The following DSCAM variants were observed in gnomAD, a reference collection of about 807,000 sequenced individuals.
The protein encoded by DSCAM is DS cell adhesion molecule, also known as cell adhesion molecule DSCAM.
Under a neutral mutation model 217.7 loss-of-function variants are expected in DSCAM, and 47 were observed. That is an observed-to-expected ratio of 0.22 (90% CI 0.17 to 0.28). DSCAM has a LOEUF of 0.28. Among genes scored for constraint, DSCAM ranks in the 10% least tolerant of loss-of-function variants. DSCAM has a pLI of 1.00. For missense variants in DSCAM, 2,080 were observed against 2,618.3 expected, an observed-to-expected ratio of 0.79 and a Z score of 4.49; for synonymous variants, 1,056 against 1,015.3, an observed-to-expected ratio of 1.04 and a Z score of -0.76.
intron 11 of DSCAM, among the ~76,000 whole-genome samples, chr21:40,269,277 T>C (rs1223488949): frequency 1.3e-5 from 2 of 152,180 alleles, no homozygotes; most frequent in African/African-American, 2.4e-5. Context: ...CAGAGTCCCG[T>C]ATTAAGAATA....
At chr21:40,595,539 GGCCCAGCCAA>G (rs34874999) in intron 3 of DSCAM, among the ~76,000 whole-genome samples, 50,274 of 151,782 alleles carry the variant, frequency 0.33, 8,481 homozygotes, top group South Asian at 0.46. Flanking sequence ...AGTGCTTAAA[GGCCCAGCCAA>G]GCTCTGCCCT....
At chr21:40,070,115 G>C (rs1179371892) in intron 27 of DSCAM, among the ~76,000 whole-genome samples, 4 of 151,886 alleles carry the variant, frequency 2.6e-5, no homozygotes, top group Non-Finnish European at 5.9e-5. Flanking sequence ...TATTCAGTTT[G>C]CCATAACAAG....
intron 11 of DSCAM, among the ~76,000 whole-genome samples, chr21:40,259,661 CTTTTTTTTTTTT>C (rs542106779): frequency 0.073 from 4,355 of 59,626 alleles, 254 homozygotes; most frequent in East Asian, 0.34. Context: ...GTCAGCCATT[CTTTTTTTTTTTT>C]TTTTTTTTTT....
At chr21:40,496,614 C>G (rs1371916524) in intron 3 of DSCAM, among the ~76,000 whole-genome samples, 1 of 152,002 alleles carries the variant, frequency 6.6e-6, no homozygotes, top group African/African-American at 2.4e-5. Flanking sequence ...TAGTATGTGA[C>G]CCTAAAAGCA....
At chr21:40,592,412 T>C (rs2076990624) in intron 3 of DSCAM, among the ~76,000 whole-genome samples, 1 of 152,158 alleles carries the variant, frequency 6.6e-6, no homozygotes, top group African/African-American at 2.4e-5. Context: ...AAAGGTCAAG[T>C]TATTATTTGG....
At chr21:40,838,985 G>A (rs536724675) in intron 1 of DSCAM, among the ~76,000 whole-genome samples, 12 of 152,252 alleles carry the variant, frequency 7.9e-5, no homozygotes, top group African/African-American at 2.6e-4. Context: ...GCCTAGAAAG[G>A]AAAACTATTT....
intron 2 of DSCAM, among the ~76,000 whole-genome samples, chr21:40,694,806 T>C (rs2090578080): frequency 6.6e-6 from 1 of 151,110 alleles, no homozygotes; most frequent in South Asian, 2.1e-4. Context: ...ACAGAAAGGC[T>C]CCTGCATAAG....
At chr21:40,266,229 G>A (rs186930882) in intron 11 of DSCAM, among the ~76,000 whole-genome samples, 38 of 100,094 alleles carry the variant, frequency 3.8e-4, no homozygotes, top group Admixed American at 1.1e-3. Context: ...TATACAAATG[G>A]CCAAAAACGT....
At chr21:40,663,694 G>A (rs1303724238) in intron 3 of DSCAM, among the ~76,000 whole-genome samples, 1 of 152,148 alleles carries the variant, frequency 6.6e-6, no homozygotes, top group Non-Finnish European at 1.5e-5. Flanking sequence ...CTGGGGTTGT[G>A]TGCAACGTGC....
intron 3 of DSCAM, among the ~76,000 whole-genome samples, chr21:40,483,269 T>C (rs943943413): frequency 3.9e-5 from 6 of 152,252 alleles, no homozygotes; most frequent in Non-Finnish European, 5.9e-5. Context: ...TTCACCATTG[T>C]GAGATTTTAC....
At chr21:40,556,534 A>C (rs1251067493) in intron 3 of DSCAM, among the ~76,000 whole-genome samples, 1 of 152,202 alleles carries the variant, frequency 6.6e-6, no homozygotes, top group Non-Finnish European at 1.5e-5. Context: ...TTGGCTCACA[A>C]TTCTGATAGC....
intron 32 of DSCAM, among the ~76,000 whole-genome samples, chr21:40,017,065 T>C (rs2088171244): frequency 6.7e-6 from 1 of 149,644 alleles, no homozygotes; most frequent in Non-Finnish European, 1.5e-5. Flanking sequence ...GCTGCACGAT[T>C]GCACTCTATC....
At chr21:40,518,520 TATATATTTTATA>T (rs2076330913) in intron 3 of DSCAM, among the ~76,000 whole-genome samples, 1 of 7,862 alleles carries the variant, frequency 1.3e-4, no homozygotes, top group African/African-American at 8.6e-4. Flanking sequence ...ATATATATAA[TATATATTTTATA>T]TATATATATG....
chr21:40,107,085 C>G (rs1257395685), intron 20 of DSCAM, among the ~76,000 whole-genome samples: 2 of 152,096 alleles, frequency 1.3e-5, no homozygotes, highest in Non-Finnish European at 2.9e-5. Flanking sequence ...TGAGACCTTT[C>G]TAACTTTTTG....
intron 3 of DSCAM, among the ~76,000 whole-genome samples, chr21:40,508,725 C>A (rs2076228336): frequency 8.0e-6 from 1 of 124,344 alleles, no homozygotes; most frequent in South Asian, 2.7e-4. Flanking sequence ...CAAACCACCA[C>A]ACCCGGCAAA....
At chr21:40,044,892 C>T (rs763207219) in intron 30 of DSCAM, among the ~76,000 whole-genome samples, 5 of 152,160 alleles carry the variant, frequency 3.3e-5, no homozygotes, top group Non-Finnish European at 7.3e-5. Context: ...TGAATCACGT[C>T]CCCCCAAAAG....
intron 3 of DSCAM, among the ~76,000 whole-genome samples, chr21:40,642,213 G>C (rs2146343174): frequency 6.6e-6 from 1 of 152,248 alleles, no homozygotes. Context: ...CAGAGATGAA[G>C]ACTTCAATAC....
intron 3 of DSCAM, among the ~76,000 whole-genome samples, chr21:40,493,893 T>C (rs2076096907): frequency 6.9e-6 from 1 of 145,946 alleles, no homozygotes; most frequent in Non-Finnish European, 1.5e-5. Flanking sequence ...TATACATATA[T>C]ATACATATAT....
At chr21:40,093,074 T>C (rs1413578972) in intron 21 of DSCAM, among the ~76,000 whole-genome samples, 1 of 152,182 alleles carries the variant, frequency 6.6e-6, no homozygotes, top group Non-Finnish European at 1.5e-5. Context: ...TGGAATTGTG[T>C]CGTAAGGAAA....
Sources: allele counts gnomAD v4.1 joint callset (sites outside exome capture counted in the v4.1 genomes callset), GRCh38; gene constraint gnomAD v4.1.1; transcripts MANE v1.5; gene names NCBI Gene and HGNC (gene_info 2026-07-23, HGNC 2026-07-21).